KIAA0825: variants seen among roughly 807,000 people sequenced by gnomAD.
KIAA0825 encodes uncharacterized protein KIAA0825.
In KIAA0825, 119 loss-of-function variants were observed where a neutral mutation model predicts 147.6. The observed-to-expected ratio is 0.81, with a 90% CI of 0.69 to 0.94. The LOEUF (loss-of-function observed/expected upper bound fraction) is 0.94. KIAA0825 is among the 40% of genes least tolerant of loss of function. The pLI, the probability that KIAA0825 is intolerant of heterozygous loss-of-function variation, is 0.00. For synonymous variants in KIAA0825, 470 were observed against 518.1 expected (o/e 0.91, Z 1.26); for missense variants, 1,381 against 1,472.7 (o/e 0.94, Z 1.02).
At position 94,173,116 on chromosome 5, in the gene KIAA0825, T is replaced by C. The variant is rs181921540; in HGVS notation, c.3711-18992A>G. Among the ~76,000 whole-genome samples the C allele has an allele frequency of 4.0e-4, 61 of 152,196 alleles. 1 individual carries two copies. The highest frequency in any genetic ancestry group is 1.4e-3 in the African/African-American group (60 of 41,506). On this transcript the variant is annotated intron_variant, in intron 20 of 20. Transcript: ENST00000682413. Reference sequence around the variant, plus strand: ...ATAGATTAAGCAAGTGTGAGACAATTAGCGACACTTCTATATCATGCTCTT... The same window carrying C: ...ATAGATTAAGCAAGTGTGAGACAATCAGCGACACTTCTATATCATGCTCTT...
chr5:94,532,113 C>T (rs928544618), intron 3 of KIAA0825, among the ~76,000 whole-genome samples: 1 of 152,174 alleles, frequency 6.6e-6, no homozygotes, highest in African/African-American at 2.4e-5. Flanking sequence ...CCTCTCCCTG[C>T]ATTTTCTAGG....
chr5:94,573,633 A>C (rs1331506836), intron 2 of KIAA0825, among the ~76,000 whole-genome samples: 1 of 152,202 alleles, frequency 6.6e-6, no homozygotes, highest in Non-Finnish European at 1.5e-5. Context: ...TTTCCTATTC[A>C]GATCTTTAAA....
intron 20 of KIAA0825, among the ~76,000 whole-genome samples, chr5:94,304,230 T>A (rs1778582534): frequency 6.6e-6 from 1 of 152,092 alleles, no homozygotes; most frequent in African/African-American, 2.4e-5. Flanking sequence ...ACTAGTCACA[T>A]GAAACGAAGA....
At chr5:94,539,755 T>G (rs1189008717) in intron 2 of KIAA0825, among the ~76,000 whole-genome samples, 1 of 151,928 alleles carries the variant, frequency 6.6e-6, no homozygotes, top group African/African-American at 2.4e-5. Flanking sequence ...CAACCTTGGG[T>G]TAGAGACCCA....
At chr5:94,437,228 G>A (rs776205081) in intron 14 of KIAA0825, among the ~76,000 whole-genome samples, 8 of 152,046 alleles carry the variant, frequency 5.3e-5, no homozygotes, top group Non-Finnish European at 1.2e-4. Flanking sequence ...TAATTTCTGT[G>A]TGCATAATAA....
In KIAA0825 at chr5:94,238,439, G is replaced by C. The variant is rs1345181706; in HGVS notation, c.3711-84315C>G. Among the ~76,000 whole-genome samples the C allele has an allele frequency of 3.9e-5, 6 of 152,124 alleles. No homozygotes were observed. In the East Asian group the frequency reaches 1.2e-3, roughly 29 times the overall value. On this transcript the variant is annotated intron_variant, in intron 20 of 20. Transcript: ENST00000682413. ...GATTCTTATATAAATCCAAGATATAGTCTGTTAACTTATGACTTTGAAAAG... is the reference window on the plus strand; with the variant it reads ...GATTCTTATATAAATCCAAGATATACTCTGTTAACTTATGACTTTGAAAAG...
chr5:94,362,832 G>A (rs919339629), intron 20 of KIAA0825, among the ~76,000 whole-genome samples: 3 of 152,174 alleles, frequency 2.0e-5, no homozygotes, highest in African/African-American at 2.4e-5. Flanking sequence ...TGAATAATGG[G>A]CTGGAAGTAT....
At chr5:94,475,708 C>T (rs1376544764) in intron 7 of KIAA0825, among the ~76,000 whole-genome samples, 1 of 152,054 alleles carries the variant, frequency 6.6e-6, no homozygotes, top group Non-Finnish European at 1.5e-5. Context: ...ACTTGGGAGG[C>T]TGAGACAAGA....
At chr5:94,348,116 T>C (rs992971497) in intron 20 of KIAA0825, among the ~76,000 whole-genome samples, 3 of 152,030 alleles carry the variant, frequency 2.0e-5, no homozygotes, top group Admixed American at 6.5e-5. Flanking sequence ...TAAGAAAATA[T>C]GAACAAAGCC....
At chr5:94,425,058 C>T (rs1487520867) in intron 14 of KIAA0825, among the ~76,000 whole-genome samples, 2 of 152,114 alleles carry the variant, frequency 1.3e-5, no homozygotes, top group African/African-American at 4.8e-5. Flanking sequence ...TTCTGCCAAA[C>T]TTTCAGAGAA....
chr5:94,473,500 C>A lies in KIAA0825; in HGVS notation c.1247G>T (p.Gly416Val). The change falls in exon 8 of 21, where the codon GGC becomes GTC. Residue 416 changes from glycine (G) to valine (V), a missense_variant. Gly to Val is a moderately radical substitution (Grantham distance 109). Transcript: ENST00000682413. ...PGKEATLLDFGWRSAFKEVSL... is the reference protein window; with the variant it reads ...PGKEATLLDFVWRSAFKEVSL... ...CACTTCTTTAAATGCACTTCTCCAG[C>A]CAAAATCTAGTAAGGTAGCCTGAAA... is the stretch of plus-strand genomic sequence containing the variant. The A allele has an allele frequency of 1.3e-6, 2 of 1,551,072 alleles. No homozygotes were observed. The highest frequency in any genetic ancestry group is 1.7e-6 in the Non-Finnish European group (2 of 1,146,494).
At chr5:94,236,936 G>T (rs1775074252) in intron 20 of KIAA0825, among the ~76,000 whole-genome samples, 1 of 152,104 alleles carries the variant, frequency 6.6e-6, no homozygotes, top group South Asian at 2.1e-4. Flanking sequence ...TAAGTGTTAT[G>T]TGCACTGGAA....
chr5:94,517,855 G>A (rs1554297979), intron 5 of KIAA0825, among the ~76,000 whole-genome samples: 1 of 152,038 alleles, frequency 6.6e-6, no homozygotes, highest in Non-Finnish European at 1.5e-5. Flanking sequence ...TCAGTCAGTA[G>A]ATTATAGTAA....
In KIAA0825 at chr5:94,471,456, C is replaced by T. The variant is rs949531297; in HGVS notation, c.1721+10G>A. On this transcript the variant is annotated intron_variant, in intron 9 of 20. Transcript: ENST00000682413. ...AGCGTGGCCATCATCTTAATTTAAA[C>T]AACACTCACTTTTTAGTCATTTCCT... 9.0e-6 allele frequency: 14 copies of T among 1,550,386 alleles called. No individual in the cohort carries two copies. Among genetic ancestry groups the T allele is most frequent in the African/African-American group, 1.4e-5 (1 of 73,016 alleles).
At chr5:94,209,788 CT>C (rs1221642306) in intron 20 of KIAA0825, among the ~76,000 whole-genome samples, 2 of 152,146 alleles carry the variant, frequency 1.3e-5, no homozygotes, top group Admixed American at 6.6e-5. Context: ...ATTTTGACAG[CT>C]CAACCCTGTT....
intron 20 of KIAA0825, among the ~76,000 whole-genome samples, chr5:94,240,925 G>C (rs1775312057): frequency 6.6e-6 from 1 of 152,144 alleles, no homozygotes; most frequent in Admixed American, 6.5e-5. Context: ...AGGAAAGGCA[G>C]ATACATTCAG....
chr5:94,238,162 T>C (rs1267969431), intron 20 of KIAA0825, among the ~76,000 whole-genome samples: 1 of 152,140 alleles, frequency 6.6e-6, no homozygotes, highest in Non-Finnish European at 1.5e-5. Context: ...CAAAAAATTA[T>C]ATGGATTGAT....
intron 20 of KIAA0825, among the ~76,000 whole-genome samples, chr5:94,381,358 A>G (rs1748384328): frequency 6.6e-6 from 1 of 152,212 alleles, no homozygotes; most frequent in African/African-American, 2.4e-5. Flanking sequence ...AGTCAACCTC[A>G]GATAGAAAAT....
chr5:94,505,560 C>T (rs1343775718), intron 5 of KIAA0825, among the ~76,000 whole-genome samples: 6 of 152,004 alleles, frequency 3.9e-5, no homozygotes, highest in Non-Finnish European at 2.9e-5. Flanking sequence ...GAAAACTAAG[C>T]AACACTCATT....
Sources: allele counts gnomAD v4.1 joint callset (sites outside exome capture counted in the v4.1 genomes callset), GRCh38; gene constraint gnomAD v4.1.1; transcripts MANE v1.5; gene names NCBI Gene and HGNC (gene_info 2026-07-23, HGNC 2026-07-21).